Variants in CELF1 observed in about 807,000 individuals in gnomAD.
The protein encoded by CELF1 is 50 kDa nuclear polyadenylated RNA-binding protein.
CELF1 carries 10 observed loss-of-function variants against 61.8 expected under a neutral mutation model. That is an observed-to-expected ratio of 0.16 (90% CI 0.10 to 0.27). The LOEUF is 0.27. Ranked by LOEUF, CELF1 falls within the 10% of genes least tolerant of loss-of-function variation. The pLI is 1.00. For synonymous variants in CELF1, 236 were observed against 225.1 expected (o/e 1.05, Z -0.43); for missense variants, 380 against 639.1 (o/e 0.59, Z 4.37).
At chr11:47,507,877 G>A (rs1334800160) in intron 1 of CELF1, among the ~76,000 whole-genome samples, 1 of 151,678 alleles carries the variant, frequency 6.6e-6, no homozygotes, top group East Asian at 1.9e-4. Context: ...GATAGTTCCA[G>A]TAATTTTAAG....
chr11:47,473,258 G>A, intron 13 of CELF1, 27 bp from the exon 14 acceptor site: 1 of 1,607,058 alleles, frequency 6.2e-7, no homozygotes, highest in Non-Finnish European at 8.5e-7. Context: ...AATTGGAAAA[G>A]TATCAGTGTC....
intron 6 of CELF1, 142 bp downstream of exon 6, chr11:47,486,608 C>T: frequency 1.5e-6 from 1 of 672,658 alleles, no homozygotes; most frequent in South Asian, 1.6e-5. Context: ...CGGGGTTTCA[C>T]CATGTTGGCC....
intron 12 of CELF1, 53 bp from the exon 13 acceptor site, chr11:47,475,574 A>G (rs2079648247): frequency 3.2e-6 from 5 of 1,571,970 alleles, no homozygotes; most frequent in Non-Finnish European, 3.5e-6. Context: ...AACTGATGCC[A>G]AAGACAAGTC....
upstream of CELF1, chr11:47,553,135 C>G: frequency 2.5e-6 from 1 of 396,252 alleles, no homozygotes. Context: ...CAGAACACCC[C>G]AAAATGGCGG....
At chr11:47,486,879 C>G in intron 5 of CELF1, 81 bp from the exon 6 acceptor site, 1 of 1,098,648 alleles carries the variant, frequency 9.1e-7, no homozygotes, top group Middle Eastern at 2.0e-4. Context: ...AATACCAGAA[C>G]TAGAGCTTTA....
chr11:47,552,428 G>A (rs2097162048), intron 1 of CELF1, among the ~76,000 whole-genome samples: 1 of 152,220 alleles, frequency 6.6e-6, no homozygotes, highest in South Asian at 2.1e-4. Context: ...ACTAGGCCAC[G>A]ACTGGGTGAG....
chr11:47,543,407 AAAC>A (rs2096858628), intron 1 of CELF1, among the ~76,000 whole-genome samples: 1 of 152,182 alleles, frequency 6.6e-6, no homozygotes, highest in South Asian at 2.1e-4. Context: ...TTGTCTCGGA[AAAC>A]AACAGCCCAA....
At chr11:47,522,781 G>T (rs540968284) in intron 1 of CELF1, among the ~76,000 whole-genome samples, 3 of 149,930 alleles carry the variant, frequency 2.0e-5, no homozygotes, top group African/African-American at 7.4e-5. Flanking sequence ...AGCTGAGTTC[G>T]TGCCACTGCA....
chr11:47,533,635 A>ATACATACATAC (rs1598183916), intron 1 of CELF1, among the ~76,000 whole-genome samples: 163 of 148,858 alleles, frequency 1.1e-3, no homozygotes, highest in African/African-American at 2.5e-3. Flanking sequence ...AAAATAAATA[A>ATACATACATAC]ATACATACAT....
chr11:47,552,311 G>A (rs568315299), intron 1 of CELF1, among the ~76,000 whole-genome samples: 1 of 152,318 alleles, frequency 6.6e-6, no homozygotes, highest in Admixed American at 6.5e-5. Context: ...CTACCCGGAG[G>A]ACCACAACCA....
intron 1 of CELF1, among the ~76,000 whole-genome samples, chr11:47,541,706 G>A (rs139612305): frequency 0.43 from 7,018 of 16,282 alleles, 1,045 homozygotes; most frequent in African/African-American, 0.46. Flanking sequence ...AAGAAAGAAA[G>A]AAAGAAAGAA....
intron 6 of CELF1, among the ~76,000 whole-genome samples, chr11:47,486,018 G>A (rs1003035035): frequency 8.5e-5 from 12 of 140,372 alleles, no homozygotes; most frequent in African/African-American, 2.4e-4. Context: ...AAAATTAGCC[G>A]GGCGTGGTGG....
chr11:47,517,159 A>C (rs571030043), intron 1 of CELF1, among the ~76,000 whole-genome samples: 173 of 151,720 alleles, frequency 1.1e-3, no homozygotes, highest in African/African-American at 4.0e-3. Context: ...AGGCGGGAGA[A>C]TCACTTGAGC....
chr11:47,549,184 T>C (rs1598597166), intron 1 of CELF1, among the ~76,000 whole-genome samples: 2 of 152,124 alleles, frequency 1.3e-5, no homozygotes, highest in East Asian at 3.8e-4. Flanking sequence ...GCAACTGCTA[T>C]AGAAAAAAGT....
intron 13 of CELF1, among the ~76,000 whole-genome samples, chr11:47,473,675 C>T (rs1208139719): frequency 6.6e-6 from 1 of 152,116 alleles, no homozygotes; most frequent in Non-Finnish European, 1.5e-5. Context: ...TACAAAGGGG[C>T]ACGAGGGAAT....
chr11:47,519,862 CAAAA>C (rs768633294), intron 1 of CELF1, among the ~76,000 whole-genome samples: 44 of 105,086 alleles, frequency 4.2e-4, no homozygotes, highest in African/African-American at 1.3e-3. Flanking sequence ...GACTCCGTCT[CAAAA>C]AAAAAAAAAA....
At position 47,541,763 on chromosome 11, in the gene CELF1, AAAGAACG is replaced by A; in HGVS notation, c.-154+11222_-154+11228del. Among the ~76,000 whole-genome samples, 123 of 12,812 alleles carry A rather than the reference AAAGAACG, an allele frequency of 9.6e-3. 6 individuals carry two copies. The highest frequency in any genetic ancestry group is 0.017 in the African/African-American group (112 of 6,558). 8.4% of individuals were successfully genotyped at this position (12,812 alleles called of 152,430 possible). A position where few individuals can be genotyped will look rare whatever the true frequency, so the allele number is the denominator to read the frequency against. ...GAACGAAAGAAAGAAAGAACGAAAG[AAAGAACG>A]AAAGAAAGAACGAAAGAAAGAACGA... On this transcript the variant is annotated intron_variant, in intron 1 of 14. Transcript: ENST00000687097.
intron 2 of CELF1, among the ~76,000 whole-genome samples, chr11:47,558,942 GTAATA>G (rs1049476767): frequency 5.6e-4 from 75 of 134,958 alleles, no homozygotes; most frequent in Non-Finnish European, 8.2e-4. Context: ...AATGCGGTAT[GTAATA>G]TATTACATAT....
chr11:47,551,744 G>A (rs1329408026), intron 1 of CELF1, among the ~76,000 whole-genome samples: 1 of 152,182 alleles, frequency 6.6e-6, no homozygotes. Context: ...CGGGGGCGGT[G>A]GCTCACGCCT....
Sources: gnomAD v4.1 joint callset for allele counts (sites outside exome capture counted in the v4.1 genomes callset) on GRCh38, gnomAD v4.1.1 for gene constraint, MANE v1.5 for transcripts, NCBI Gene and HGNC (gene_info 2026-07-23, HGNC 2026-07-21) for gene names.